PCSK5: variants seen among roughly 807,000 people sequenced by gnomAD.
PCSK5 encodes prohormone convertase 5.
In PCSK5, 129 loss-of-function variants were observed where a neutral mutation model predicts 233.2. The observed-to-expected ratio is 0.55, with a 90% CI of 0.48 to 0.64. PCSK5 has a LOEUF of 0.64. PCSK5 is among the 30% of genes least tolerant of loss of function. PCSK5 has a pLI of 0.00. For synonymous variants in PCSK5, 825 were observed against 879.2 expected (o/e 0.94, Z 1.09); for missense variants, 2,076 against 2,430.1 (o/e 0.85, Z 3.06).
Position 76,081,456 on chromosome 9 carries a change from A to AAAAT in PCSK5, c.894+9574_894+9577dup, listed in dbSNP as rs1031714478. On this transcript the variant is annotated intron_variant, in intron 7 of 37. Transcript: ENST00000674117. ...GCAACAAGAGCAAAACTCTGTCTCA[A>AAAAT]AAATAAATAAATAAATAAACAAACA... Among the ~76,000 whole-genome samples, 1,065 of 149,894 alleles carry AAAAT rather than the reference A, an allele frequency of 7.1e-3. 15 individuals carry two copies. Among genetic ancestry groups the AAAAT allele is most frequent in the African/African-American group, 0.023 (896 of 39,434 alleles).
chr9:76,328,683 T>C (rs1829442684), intron 33 of PCSK5, among the ~76,000 whole-genome samples: 1 of 152,222 alleles, frequency 6.6e-6, no homozygotes, highest in Non-Finnish European at 1.5e-5. Flanking sequence ...CGCAGGATAG[T>C]TATCAACTCT....
At chr9:76,350,111 GAAA>G (rs33916148) in intron 35 of PCSK5, among the ~76,000 whole-genome samples, 20 of 144,678 alleles carry the variant, frequency 1.4e-4, no homozygotes, top group South Asian at 1.1e-3. Context: ...GACCCCATCT[GAAA>G]AAAAAAAAAA....
chr9:76,170,888 TC>T (rs1216285970), intron 13 of PCSK5, among the ~76,000 whole-genome samples: 5 of 152,198 alleles, frequency 3.3e-5, no homozygotes, highest in African/African-American at 1.2e-4. Flanking sequence ...TTCTGAGAGA[TC>T]CATTGTTGAC....
At chr9:76,243,777 C>T (rs1429280341) in intron 24 of PCSK5, among the ~76,000 whole-genome samples, 1 of 152,116 alleles carries the variant, frequency 6.6e-6, no homozygotes, top group African/African-American at 2.4e-5. Context: ...TGAATTAATG[C>T]ATGAATGTTT....
chr9:75,924,632 C>T (rs1823399525), intron 1 of PCSK5, among the ~76,000 whole-genome samples: 1 of 152,028 alleles, frequency 6.6e-6, no homozygotes, highest in Non-Finnish European at 1.5e-5. Flanking sequence ...AAGGAATGAG[C>T]TCTCTCTTAC....
intron 10 of PCSK5, among the ~76,000 whole-genome samples, chr9:76,156,644 G>A (rs537395199): frequency 2.0e-5 from 3 of 152,274 alleles, no homozygotes; most frequent in East Asian, 3.9e-4. Flanking sequence ...GAAAAACTAC[G>A]TGCATTAAAA....
At chr9:76,023,099 T>G (rs1418313251) in intron 3 of PCSK5, among the ~76,000 whole-genome samples, 1 of 152,234 alleles carries the variant, frequency 6.6e-6, no homozygotes, top group Non-Finnish European at 1.5e-5. Context: ...GATTTATAAA[T>G]GAAATGCTAT....
intron 5 of PCSK5, among the ~76,000 whole-genome samples, chr9:76,046,179 T>C (rs951920996): frequency 8.2e-6 from 1 of 121,764 alleles, no homozygotes; most frequent in Non-Finnish European, 1.7e-5. Flanking sequence ...TTTTTTTTTT[T>C]TTTTTTTTTT....
intron 24 of PCSK5, among the ~76,000 whole-genome samples, chr9:76,266,095 C>A (rs1248314019): frequency 1.3e-5 from 2 of 152,162 alleles, no homozygotes; most frequent in Non-Finnish European, 2.9e-5. Context: ...CAGAAAGCTT[C>A]TTCAAACATC....
At chr9:75,967,928 A>T (rs896323713) in intron 2 of PCSK5, among the ~76,000 whole-genome samples, 1 of 152,076 alleles carries the variant, frequency 6.6e-6, no homozygotes, top group Non-Finnish European at 1.5e-5. Context: ...ACGCCTAGCT[A>T]ATTTTGTATT....
At chr9:75,892,075 G>C (rs1045692121) in intron 1 of PCSK5, among the ~76,000 whole-genome samples, 1 of 152,302 alleles carries the variant, frequency 6.6e-6, no homozygotes, top group Non-Finnish European at 1.5e-5. Context: ...AAACCGGCTG[G>C]CTGGGTTCCG....
chr9:76,095,551 C>T (rs985662011), intron 7 of PCSK5, among the ~76,000 whole-genome samples: 1 of 152,166 alleles, frequency 6.6e-6, no homozygotes, highest in Non-Finnish European at 1.5e-5. Context: ...AACTTCTGTA[C>T]CTCAAGTTTC....
At chr9:75,987,922 TC>T (rs1248842561) in intron 3 of PCSK5, among the ~76,000 whole-genome samples, 1 of 152,220 alleles carries the variant, frequency 6.6e-6, no homozygotes, top group Non-Finnish European at 1.5e-5. Context: ...CAAATTGCTG[TC>T]TATGCATGAT....
intron 24 of PCSK5, chr9:76,286,820 T>C (rs2842491): frequency 0.22 from 36,941 of 167,140 alleles, 4,323 homozygotes; most frequent in Middle Eastern, 0.29. Flanking sequence ...GGGTCTGGGG[T>C]TCTGTCATTT....
chr9:76,328,177 T>C lies in PCSK5; in HGVS notation c.4508T>C (p.Phe1503Ser), dbSNP rs1564183682. 1.2e-6 allele frequency: 2 copies of C among 1,612,872 alleles called. No homozygotes were observed. The highest frequency in any genetic ancestry group is 2.7e-5 in the African/African-American group (2 of 75,042). Residue 1503 changes from phenylalanine (F) to serine (S), a missense_variant, in exon 33 of 38, where the codon TTC becomes TCC. Coordinates refer to ENST00000674117, the MANE Select transcript of PCSK5 (RefSeq NM_001372043.1). ...PGCKPCHVKC[F>S]HCMGPAEDQC... ...TGCAAGCCCTGCCATGTTAAGTGCT[T>C]CCACTGCATGGGGCCGGCGGAGGAC...
chr9:76,191,423 A>G (rs1436432370), intron 20 of PCSK5, among the ~76,000 whole-genome samples: 1 of 151,886 alleles, frequency 6.6e-6, no homozygotes, highest in African/African-American at 2.4e-5. Context: ...TCTGGGCCTC[A>G]TTTCCACCAT....
At chr9:76,185,104 T>A (rs1824039389) in intron 17 of PCSK5, among the ~76,000 whole-genome samples, 1 of 152,204 alleles carries the variant, frequency 6.6e-6, no homozygotes, top group Non-Finnish European at 1.5e-5. Context: ...TGAATTATAT[T>A]TAATCCCCCG....
chr9:76,041,327 C>G (rs1829107857), intron 5 of PCSK5, among the ~76,000 whole-genome samples: 1 of 152,130 alleles, frequency 6.6e-6, no homozygotes, highest in East Asian at 1.9e-4. Flanking sequence ...AAATGACTGA[C>G]CAAAGAGAAC....
intron 1 of PCSK5, among the ~76,000 whole-genome samples, chr9:75,923,690 T>G (rs1281963127): frequency 6.6e-6 from 1 of 152,182 alleles, no homozygotes; most frequent in Admixed American, 6.6e-5. Context: ...ACAGTTAATG[T>G]CTTAAAACAA....
Sources: allele counts gnomAD v4.1 joint callset (sites outside exome capture counted in the v4.1 genomes callset), GRCh38; gene constraint gnomAD v4.1.1; transcripts MANE v1.5; gene names NCBI Gene and HGNC (gene_info 2026-07-23, HGNC 2026-07-21).